Variants in TDRD5 observed in about 807,000 individuals in gnomAD.
TDRD5 encodes tudor domain containing 5.
In TDRD5, 41 loss-of-function variants were observed where a neutral mutation model predicts 120.6. The ratio of observed to expected loss-of-function variants is 0.34; its 90% CI spans 0.26 to 0.44. The LOEUF (loss-of-function observed/expected upper bound fraction) is 0.44. TDRD5 is among the 20% of genes least tolerant of loss of function. The probability of loss-of-function intolerance (pLI) is 1.00; values close to 1 mark genes in which losing one functional copy is unlikely to be tolerated. For missense variants in TDRD5, 1,006 were observed against 1,221.2 expected (o/e 0.82, Z 2.63); for synonymous variants, 430 against 433.7 (o/e 0.99, Z 0.11).
At chr1:179,660,047 G>A (rs1439254430) in intron 14 of TDRD5, among the ~76,000 whole-genome samples, 7 of 151,682 alleles carry the variant, frequency 4.6e-5, no homozygotes, top group Non-Finnish European at 1.0e-4. Flanking sequence ...TAATTAGTAT[G>A]GTTTGGACTA....
chr1:179,666,837 A>G (rs1033768523), intron 16 of TDRD5, among the ~76,000 whole-genome samples: 8 of 152,138 alleles, frequency 5.3e-5, no homozygotes, highest in Non-Finnish European at 8.8e-5. Flanking sequence ...TGTCTTTTTT[A>G]TTATAGCCAT....
intron 16 of TDRD5, among the ~76,000 whole-genome samples, chr1:179,667,880 T>G (rs1679635362): frequency 6.6e-6 from 1 of 152,172 alleles, no homozygotes; most frequent in South Asian, 2.1e-4. Flanking sequence ...GCTATAGATT[T>G]TTGCCACAGA....
chr1:179,599,680 C>G (rs72706713), intron 4 of TDRD5, among the ~76,000 whole-genome samples: 7,131 of 152,048 alleles, frequency 0.047, 266 homozygotes, highest in Non-Finnish European at 0.069. Context: ...GATGCTTGCT[C>G]TTTATCTGTC....
intron 4 of TDRD5, among the ~76,000 whole-genome samples, chr1:179,601,237 G>A (rs1675693891): frequency 6.6e-6 from 1 of 151,984 alleles, no homozygotes; most frequent in Admixed American, 6.6e-5. Flanking sequence ...TTTATGGTTT[G>A]GCTATTTTGT....
At chr1:179,627,623 A>AACT (rs1446367889) in intron 6 of TDRD5, among the ~76,000 whole-genome samples, 1 of 152,166 alleles carries the variant, frequency 6.6e-6, no homozygotes, top group East Asian at 1.9e-4. Flanking sequence ...AGCTATTAAA[A>AACT]ACTAGGTTCA....
At chr1:179,595,572 A>G in intron 3 of TDRD5, 56 bp from the exon 4 acceptor site, 1 of 1,462,736 alleles carries the variant, frequency 6.8e-7, no homozygotes, top group South Asian at 1.4e-5. Context: ...CCACCGGAAA[A>G]TGAAATAGAA....
intron 6 of TDRD5, among the ~76,000 whole-genome samples, chr1:179,625,500 G>A (rs1247779403): frequency 1.3e-5 from 2 of 152,098 alleles, no homozygotes; most frequent in Non-Finnish European, 2.9e-5. Flanking sequence ...TTTGTAAATG[G>A]CCCAACTTCA....
chr1:179,614,030 G>A (rs1410594), intron 4 of TDRD5, among the ~76,000 whole-genome samples: 112,995 of 152,068 alleles, frequency 0.74, 42,114 homozygotes, highest in East Asian at 0.88. Context: ...TCTTTCCAAA[G>A]TGCTTTCATC....
chr1:179,654,486 C>A, intron 14 of TDRD5, 124 bp downstream of exon 14: 1 of 1,072,224 alleles, frequency 9.3e-7, no homozygotes, highest in African/African-American at 1.6e-5. Context: ...ATTCTTAGGC[C>A]AAGTGCAATG....
chr1:179,662,431 T>A, intron 15 of TDRD5, 145 bp downstream of exon 15: 1 of 792,830 alleles, frequency 1.3e-6, no homozygotes, highest in African/African-American at 1.8e-5. Context: ...TGAGACCCTG[T>A]CTCTACTAAA....
intron 3 of TDRD5, 46 bp downstream of exon 3, chr1:179,593,913 G>A (rs764200897): frequency 2.5e-6 from 4 of 1,575,190 alleles, no homozygotes; most frequent in Non-Finnish European, 3.4e-6. Flanking sequence ...ACATAGAGGG[G>A]TGTGTAATCA....
intron 9 of TDRD5, 41 bp from the exon 10 acceptor site, chr1:179,639,798 T>G: frequency 1.9e-6 from 3 of 1,575,348 alleles, no homozygotes; most frequent in Non-Finnish European, 2.6e-6. Context: ...CTTTAATTTT[T>G]TCTTCCCCTA....
intron 13 of TDRD5, among the ~76,000 whole-genome samples, chr1:179,653,533 A>G (rs1369202902): frequency 6.6e-6 from 1 of 152,166 alleles, no homozygotes; most frequent in Non-Finnish European, 1.5e-5. Context: ...TTTCTTAGTC[A>G]TTATTACTGG....
chr1:179,651,920 A>C, intron 12 of TDRD5, 119 bp from the exon 13 acceptor site: 1 of 1,171,220 alleles, frequency 8.5e-7, no homozygotes, highest in Admixed American at 2.6e-5. Context: ...CTCGAAATAA[A>C]TAAATAAAAT....
chr1:179,669,471 C>G (rs1429319029), intron 17 of TDRD5, 67 bp downstream of exon 17: 1 of 1,565,598 alleles, frequency 6.4e-7, no homozygotes, highest in African/African-American at 1.4e-5. Flanking sequence ...GTTGCTAAAA[C>G]AAACCTTCAT....
chr1:179,656,361 AT>A (rs1679005365), intron 14 of TDRD5, among the ~76,000 whole-genome samples: 1 of 152,152 alleles, frequency 6.6e-6, no homozygotes, highest in African/African-American at 2.4e-5. Context: ...ATTTTCAAAA[AT>A]ATTTTCTCAC....
chr1:179,598,320 A>G lies in TDRD5; in HGVS notation c.831+2502A>G, dbSNP rs145575741. ...AGTCTTGCAACTTTGTTATTTTTCA[A>G]AAGTGCTTTGGATATTCTAGGTTTG... On this transcript the variant is annotated intron_variant, in intron 4 of 17. Transcript: ENST00000444136. 9.9e-3 allele frequency among the ~76,000 whole-genome samples: 1,505 copies of G among 152,336 alleles called. 13 individuals carry two copies. Among genetic ancestry groups the G allele is most frequent in the African/African-American group, 0.034 (1,431 of 41,586 alleles).
At chr1:179,606,773 T>C (rs1212125144) in intron 4 of TDRD5, among the ~76,000 whole-genome samples, 2 of 152,128 alleles carry the variant, frequency 1.3e-5, no homozygotes, top group African/African-American at 2.4e-5. Flanking sequence ...TGTGAGTCTA[T>C]GTCTAGGTTC....
chr1:179,668,115 C>A (rs1237635375), intron 16 of TDRD5, among the ~76,000 whole-genome samples: 3 of 152,204 alleles, frequency 2.0e-5, no homozygotes, highest in Admixed American at 2.0e-4. Context: ...AGTACACTTA[C>A]TTCAGCAATG....
Sources: allele counts gnomAD v4.1 joint callset (sites outside exome capture counted in the v4.1 genomes callset), GRCh38; gene constraint gnomAD v4.1.1; transcripts MANE v1.5; gene names NCBI Gene and HGNC (gene_info 2026-07-23, HGNC 2026-07-21).